ACER1: variants seen among roughly 807,000 people sequenced by gnomAD.
ACER1 encodes the protein CTB-180A7.3.
In ACER1, 28 loss-of-function variants were observed where a neutral mutation model predicts 24.9. The ratio of observed to expected loss-of-function variants is 1.13; its 90% CI spans 0.83 to 1.54. ACER1 has a LOEUF of 1.54. Among genes scored for constraint, ACER1 ranks in the 40% most tolerant of loss-of-function variants. The pLI, the probability that ACER1 is intolerant of heterozygous loss-of-function variation, is 0.00. For missense variants in ACER1, 352 were observed against 349.3 expected (o/e 1.01, Z -0.06); for synonymous variants, 132 against 131.4 (o/e 1.00, Z -0.03).
At chr19:6,320,600 G>A (rs1157905458) in intron 1 of ACER1, among the ~76,000 whole-genome samples, 4 of 151,758 alleles carry the variant, frequency 2.6e-5, no homozygotes, top group Non-Finnish European at 5.9e-5. Context: ...GGTGTGAGCC[G>A]CTGTGCCATC....
At chr19:6,320,139 G>C (rs1224854849) in intron 1 of ACER1, among the ~76,000 whole-genome samples, 1 of 147,790 alleles carries the variant, frequency 6.8e-6, no homozygotes, top group Non-Finnish European at 1.5e-5. Context: ...AGAAAAGTTT[G>C]TTGAATACAT....
At chr19:6,344,541 C>T in the ACER1 span, among the ~76,000 whole-genome samples, 1 of 151,782 alleles carries the variant, frequency 6.6e-6, no homozygotes, top group African/African-American at 2.4e-5. Context: ...ACTACAGGCA[C>T]CCACAACCAT....
chr19:6,328,907 G>A (rs554267863), intron 1 of ACER1, among the ~76,000 whole-genome samples: 5 of 151,782 alleles, frequency 3.3e-5, no homozygotes, highest in South Asian at 4.2e-4. Context: ...ACTCCTGAGC[G>A]CAAGTGATTG....
chr19:6,318,722 G>C (rs544698669), intron 1 of ACER1, among the ~76,000 whole-genome samples: 3 of 150,830 alleles, frequency 2.0e-5, no homozygotes, highest in Admixed American at 1.3e-4. Context: ...GGAGGCGGAG[G>C]TTGCAGTGAG....
chr19:6,332,630 C>A (rs865783603), intron 1 of ACER1, among the ~76,000 whole-genome samples: 17 of 151,956 alleles, frequency 1.1e-4, no homozygotes, highest in Admixed American at 4.6e-4. Flanking sequence ...GAGAAGACCA[C>A]CTCAGAATGT....
At chr19:6,321,765 A>T (rs879921165) in intron 1 of ACER1, among the ~76,000 whole-genome samples, 9 of 152,066 alleles carry the variant, frequency 5.9e-5, no homozygotes, top group Non-Finnish European at 1.3e-4. Flanking sequence ...GTGCCACCAC[A>T]TCTGGTTAAT....
chr19:6,359,061 G>A, the ACER1 span, among the ~76,000 whole-genome samples: 1 of 151,942 alleles, frequency 6.6e-6, no homozygotes. Context: ...GGGAGACCCT[G>A]TCTCTACAAA....
At chr19:6,324,903 G>A (rs2091653123) in intron 1 of ACER1, among the ~76,000 whole-genome samples, 2 of 150,922 alleles carry the variant, frequency 1.3e-5, no homozygotes, top group South Asian at 2.1e-4. Flanking sequence ...AAGGAAGGAA[G>A]GAAGGAAGGA....
At chr19:6,346,444 TCTCCTC>T in the ACER1 span, among the ~76,000 whole-genome samples, 2 of 151,598 alleles carry the variant, frequency 1.3e-5, no homozygotes, top group Non-Finnish European at 2.9e-5. Context: ...CTCATTCTTT[TCTCCTC>T]CTCCTCCTCC....
chr19:6,320,747 C>G (rs957897824), intron 1 of ACER1, among the ~76,000 whole-genome samples: 6 of 151,958 alleles, frequency 3.9e-5, no homozygotes, highest in African/African-American at 1.5e-4. Flanking sequence ...ACTGTGTGGC[C>G]CTAGGAAAGA....
chr19:6,333,489 G>C lies in ACER1; in HGVS notation c.63C>G (p.Tyr21Ter). The change falls in exon 1 of 6, where the codon TAC becomes TAG. Residue 21 changes from tyrosine to a stop codon, truncating the protein, a stop_gained. Coordinates refer to ENST00000301452, the MANE Select transcript of ACER1 (RefSeq NM_133492.3). LOFTEE classifies it high-confidence loss of function. ...EVDWCESNFQYSELVAEFYNT... is the reference protein window; with the variant it reads ...EVDWCESNFQ ...TGTAGAACTCGGCCACCAGCTCCGAGTACTGGAAGTTGCTCTCACACCAGT... is the reference window on the plus strand; with the variant it reads ...TGTAGAACTCGGCCACCAGCTCCGACTACTGGAAGTTGCTCTCACACCAGT... 6.3e-7 allele frequency: 1 copy of C among 1,592,708 alleles called. No homozygotes were observed. Among genetic ancestry groups the C allele is most frequent in the Non-Finnish European group, 8.6e-7 (1 of 1,169,032 alleles).
the ACER1 span, among the ~76,000 whole-genome samples, chr19:6,359,349 G>A: frequency 9.2e-5 from 13 of 141,510 alleles, no homozygotes; most frequent in Admixed American, 9.2e-4. Flanking sequence ...ATAGAGTTTT[G>A]CTCTTGTTGC....
At chr19:6,344,982 C>G in the ACER1 span, among the ~76,000 whole-genome samples, 1 of 152,030 alleles carries the variant, frequency 6.6e-6, no homozygotes, top group South Asian at 2.1e-4. Flanking sequence ...TCTCCTGCCT[C>G]AGCCTTCCAA....
At chr19:6,352,894 C>G in the ACER1 span, among the ~76,000 whole-genome samples, 1 of 152,170 alleles carries the variant, frequency 6.6e-6, no homozygotes, top group African/African-American at 2.4e-5. Context: ...GAGAAGGTAA[C>G]AGTGATGACA....
At chr19:6,334,538 G>A (rs1178787366), upstream of ACER1, among the ~76,000 whole-genome samples, 1 of 151,938 alleles carries the variant, frequency 6.6e-6, no homozygotes, top group Non-Finnish European at 1.5e-5. Context: ...GTAGAGATAG[G>A]ATTTCACCAT....
At chr19:6,357,042 C>CTT in the ACER1 span, among the ~76,000 whole-genome samples, 7,964 of 124,402 alleles carry the variant, frequency 0.064, 413 homozygotes, top group East Asian at 0.17. Context: ...TGAGCTGAGA[C>CTT]TTTTTTTTTT....
At chr19:6,322,970 G>A (rs1389544232) in intron 1 of ACER1, among the ~76,000 whole-genome samples, 1 of 152,008 alleles carries the variant, frequency 6.6e-6, no homozygotes, top group South Asian at 2.1e-4. Context: ...AAATTAGCCA[G>A]GTGTGGTGGT....
the ACER1 span, among the ~76,000 whole-genome samples, chr19:6,357,236 G>A: frequency 2.0e-5 from 3 of 151,804 alleles, no homozygotes; most frequent in Non-Finnish European, 4.4e-5. Flanking sequence ...TAGTTGAGAC[G>A]GGGTTTCACC....
At chr19:6,323,247 C>T (rs745877410) in intron 1 of ACER1, among the ~76,000 whole-genome samples, 26 of 152,042 alleles carry the variant, frequency 1.7e-4, no homozygotes, top group Non-Finnish European at 3.4e-4. Context: ...AGTGAAACCC[C>T]ATCTCTACTA....
Sources: gnomAD v4.1 joint callset for allele counts (sites outside exome capture counted in the v4.1 genomes callset) on GRCh38, gnomAD v4.1.1 for gene constraint, MANE v1.5 for transcripts, NCBI Gene and HGNC (gene_info 2026-07-23, HGNC 2026-07-21) for gene names.